Variants in SLC39A8 observed in about 807,000 individuals in gnomAD.
SLC39A8 encodes solute carrier family 39 member 8.
In SLC39A8, 15 loss-of-function variants were observed where a neutral mutation model predicts 40.4. The observed-to-expected ratio is 0.37, with a 90% CI of 0.25 to 0.57. The LOEUF (loss-of-function observed/expected upper bound fraction) is 0.57, where lower values mean the gene tolerates loss of function less well. Among genes scored for constraint, SLC39A8 ranks in the 20% least tolerant of loss-of-function variants. The pLI is 0.75. For synonymous variants in SLC39A8, 223 were observed against 221.6 expected (o/e 1.01, Z -0.06); for missense variants, 472 against 558.8 (o/e 0.84, Z 1.57).
intron 3 of SLC39A8, among the ~76,000 whole-genome samples, chr4:102,309,318 A>G (rs1051065123): frequency 1.4e-4 from 22 of 152,182 alleles, no homozygotes; most frequent in African/African-American, 4.6e-4. Flanking sequence ...AAATGGTACT[A>G]TGTAACCCCG....
At chr4:102,283,529 T>G (rs1733001203) in intron 6 of SLC39A8, among the ~76,000 whole-genome samples, 1 of 151,804 alleles carries the variant, frequency 6.6e-6, no homozygotes, top group Non-Finnish European at 1.5e-5. Flanking sequence ...GCTGAGGTGT[T>G]CTGAGGATTG....
chr4:102,262,026 C>G lies in SLC39A8; in HGVS notation c.*1018G>C. 1.0e-6 allele frequency: 1 copy of G among 985,836 alleles called. No homozygotes were observed. Among genetic ancestry groups the G allele is most frequent in the Non-Finnish European group, 1.2e-6 (1 of 829,878 alleles). 61.1% of individuals were successfully genotyped at this position (985,836 alleles called of 1,614,324 possible). A position where few individuals can be genotyped will look rare whatever the true frequency, so the allele number is the denominator to read the frequency against. On this transcript the variant is annotated 3_prime_UTR_variant, in exon 9 of 9. Transcript: ENST00000356736. ...GGTATACCATATGGAAAAGTATAGGCTGAACACAAAGGAAGTCTTTTCTGA... is the reference window on the plus strand; with the variant it reads ...GGTATACCATATGGAAAAGTATAGGGTGAACACAAAGGAAGTCTTTTCTGA...
At chr4:102,251,572 A>G (rs1403827110) in exon 12 of SLC39A8, 1 of 152,222 alleles carries the variant, frequency 6.6e-6, no homozygotes, top group Non-Finnish European at 1.5e-5. Flanking sequence ...AAAAGCATAC[A>G]AATTTATTTA....
chr4:102,293,567 T>C (rs191769765), intron 6 of SLC39A8, among the ~76,000 whole-genome samples: 33 of 152,104 alleles, frequency 2.2e-4, no homozygotes, highest in African/African-American at 7.2e-4. Context: ...TACTCTTACA[T>C]AGCAGTAATA....
intron 2 of SLC39A8, among the ~76,000 whole-genome samples, chr4:102,335,085 T>C (rs1735611494): frequency 6.6e-6 from 1 of 152,212 alleles, no homozygotes; most frequent in African/African-American, 2.4e-5. Context: ...AGCCAGTGTC[T>C]AGCTGTTCAT....
intron 2 of SLC39A8, among the ~76,000 whole-genome samples, chr4:102,337,233 CA>C (rs34502649): frequency 0.015 from 1,679 of 109,818 alleles, 10 homozygotes; most frequent in African/African-American, 0.037. Flanking sequence ...TCACTTTTCT[CA>C]AAAAAAAAAA....
Position 102,262,471 on chromosome 4 carries a change from A to G in SLC39A8, c.*573T>C. 1 of 985,350 alleles carries G rather than the reference A, an allele frequency of 1.0e-6. No individual in the cohort carries two copies. 61.0% of individuals were successfully genotyped at this position (985,350 alleles called of 1,614,324 possible). ...ATTTTAGAATGGTTTTCAAAATAAT[A>G]CTGCAAGTTCCTAATTGAAATACAA... On this transcript the variant is annotated 3_prime_UTR_variant, in exon 9 of 9. Coordinates refer to ENST00000356736, the MANE Select transcript of SLC39A8 (RefSeq NM_001135146.2).
At chr4:102,340,388 G>A (rs1480297018) in intron 2 of SLC39A8, among the ~76,000 whole-genome samples, 1 of 152,126 alleles carries the variant, frequency 6.6e-6, no homozygotes, top group Non-Finnish European at 1.5e-5. Flanking sequence ...AGAAATACAG[G>A]ATTGCATTGA....
downstream of SLC39A8, among the ~76,000 whole-genome samples, chr4:102,258,014 T>C (rs547661049): frequency 6.6e-6 from 1 of 152,224 alleles, no homozygotes; most frequent in Non-Finnish European, 1.5e-5. Flanking sequence ...TCCCTGAGCA[T>C]GGGGTTCCTT....
At chr4:102,338,995 A>T (rs545165051) in intron 2 of SLC39A8, among the ~76,000 whole-genome samples, 47 of 152,354 alleles carry the variant, frequency 3.1e-4, no homozygotes, top group Non-Finnish European at 4.0e-4. Context: ...TTTGGGAGTT[A>T]GATATGAAAG....
At chr4:102,304,915 T>C in intron 5 of SLC39A8, 74 bp downstream of exon 5, 1 of 1,318,348 alleles carries the variant, frequency 7.6e-7, no homozygotes, top group Non-Finnish European at 1.0e-6. Flanking sequence ...AAAATAAAAT[T>C]TCTGTCTTTA....
intron 2 of SLC39A8, among the ~76,000 whole-genome samples, chr4:102,326,556 G>A (rs191964339): frequency 3.9e-5 from 6 of 152,118 alleles, no homozygotes; most frequent in East Asian, 1.9e-4. Flanking sequence ...GCAAGACTCC[G>A]TCTCAAAAAA....
chr4:102,254,755 TAA>T (rs1250660211), intron 11 of SLC39A8, among the ~76,000 whole-genome samples: 4 of 152,224 alleles, frequency 2.6e-5, no homozygotes, highest in Non-Finnish European at 4.4e-5. Flanking sequence ...TCAAGGTATA[TAA>T]GTTATTCCCT....
intron 6 of SLC39A8, among the ~76,000 whole-genome samples, chr4:102,285,284 C>T (rs1733113488): frequency 6.6e-6 from 1 of 151,934 alleles, no homozygotes; most frequent in Non-Finnish European, 1.5e-5. Flanking sequence ...GCATGGAGAG[C>T]AAAGTTAAAG....
chr4:102,325,119 T>A (rs1357233017), intron 2 of SLC39A8, among the ~76,000 whole-genome samples: 1 of 152,038 alleles, frequency 6.6e-6, no homozygotes, highest in Non-Finnish European at 1.5e-5. Flanking sequence ...ACACGCTGAA[T>A]CTCTCTCTCC....
chr4:102,290,640 G>T (rs901768207), intron 6 of SLC39A8, among the ~76,000 whole-genome samples: 5 of 151,774 alleles, frequency 3.3e-5, no homozygotes, highest in Admixed American at 2.0e-4. Context: ...GTTTGTAGGT[G>T]TGAAGAAGGT....
In SLC39A8 at chr4:102,344,645, C is replaced by A. The variant is rs1443172415; in HGVS notation, c.18G>T (p.Ala6=). The A allele has an allele frequency of 3.9e-6, 6 of 1,536,124 alleles. No homozygotes were observed. Among genetic ancestry groups the A allele is most frequent in the African/African-American group, 2.8e-5 (2 of 71,170 alleles). Residue 6 remains alanine, a synonymous_variant, in exon 2 of 9, where the codon GCG becomes GCT. Transcript: ENST00000356736. MAPGR[A]VAGLLLLAAA... is the part of the protein sequence containing the mutation. The stretch of plus-strand genomic sequence containing the variant: ...CCGCCAGCAACAGGAGCCCGGCCAC[C>A]GCGCGACCCGGGGCCATCCTGGCCT...
rs1732183683 is a variant in SLC39A8 at position 102,268,018 on chromosome 4, C to T, written c.902G>A (p.Gly301Glu). 1 of 1,614,058 alleles carries T rather than the reference C, an allele frequency of 6.2e-7. No homozygotes were observed. Among genetic ancestry groups the T allele is most frequent in the African/African-American group, 1.3e-5 (1 of 74,908 alleles). The change falls in exon 7 of 9, where the codon GGG becomes GAG. Residue 301 changes from glycine (G) to glutamate (E), a missense_variant. Gly to Glu is a moderately conservative substitution (Grantham distance 98). Coordinates refer to ENST00000356736, the MANE Select transcript of SLC39A8 (RefSeq NM_001135146.2). ...GAGCGTTATCATCCAGGCAATCGTC[C>T]CTATTTCTGACAGTTTGGGCCCCTT... ...CLKGPKLSEI[G>E]TIAWMITLCD...
chr4:102,268,949 A>C (rs1409756177), intron 6 of SLC39A8, among the ~76,000 whole-genome samples: 1 of 152,218 alleles, frequency 6.6e-6, no homozygotes, highest in African/African-American at 2.4e-5. Flanking sequence ...TAAGTACAAA[A>C]GCACTTTGCA....
Sources: allele counts gnomAD v4.1 joint callset (sites outside exome capture counted in the v4.1 genomes callset), GRCh38; gene constraint gnomAD v4.1.1; transcripts MANE v1.5; gene names NCBI Gene and HGNC (gene_info 2026-07-23, HGNC 2026-07-21).